Variants in SDK1 observed in about 807,000 individuals in gnomAD.
The protein encoded by SDK1 is protein sidekick-1.
SDK1 carries 157 observed loss-of-function variants against 245.5 expected under a neutral mutation model. That is an observed-to-expected ratio of 0.64 (90% CI 0.56 to 0.73). The LOEUF is 0.73. Ranked by LOEUF, SDK1 falls within the 30% of genes least tolerant of loss-of-function variation. The pLI is 0.00. For missense variants in SDK1, 3,583 were observed against 3,002.3 expected (o/e 1.19, Z -4.52); for synonymous variants, 1,647 against 1,278.5 (o/e 1.29, Z -6.15).
rs568812960 is a variant in SDK1 at position 3,908,924 on chromosome 7, C to T, written c.848-41999C>T. Among the ~76,000 whole-genome samples the T allele has an allele frequency of 3.3e-5, 5 of 151,290 alleles. No homozygotes were observed. The South Asian group carries it at 1.0e-3, about 32-fold the overall frequency. ...CTCCTACTTCCCTAGGATGTTTCTT[C>T]TACCAGTGTGGGTGACACTGGAGTT... On this transcript the variant is annotated intron_variant, in intron 5 of 44. Transcript: ENST00000404826.
chr7:3,598,100 G>A (rs1034420338), intron 1 of SDK1, among the ~76,000 whole-genome samples: 12 of 152,118 alleles, frequency 7.9e-5, no homozygotes, highest in African/African-American at 2.9e-4. Flanking sequence ...TACATTTAGT[G>A]TTGTTTGTAT....
chr7:4,045,700 T>C (rs1163938105), intron 17 of SDK1, among the ~76,000 whole-genome samples: 1 of 152,154 alleles, frequency 6.6e-6, no homozygotes, highest in Non-Finnish European at 1.5e-5. Flanking sequence ...CATCTCAAAC[T>C]GCGAGGGCCT....
intron 4 of SDK1, chr7:3,643,698 G>A (rs1158961271): frequency 7.7e-6 from 1 of 130,030 alleles, no homozygotes; most frequent in Non-Finnish European, 1.6e-5. Flanking sequence ...TAAACCTCAT[G>A]ATTCTCATCT....
intron 1 of SDK1, among the ~76,000 whole-genome samples, chr7:3,581,419 G>A (rs1780490301): frequency 6.6e-6 from 1 of 152,170 alleles, no homozygotes; most frequent in Admixed American, 6.5e-5. Flanking sequence ...CTGATCACTA[G>A]GGAAATGCAA....
Position 3,619,157 on chromosome 7 carries a change from T to A in SDK1, c.376T>A (p.Cys126Ser). 1 of 1,614,166 alleles carries A rather than the reference T, an allele frequency of 6.2e-7. No homozygotes were observed. Among genetic ancestry groups the A allele is most frequent in the Non-Finnish European group, 8.5e-7 (1 of 1,179,992 alleles). The stretch of plus-strand genomic sequence containing the variant: ...GGAAGGGAACCGCCTTGTTCTCACC[T>A]GCCTTGCCGAAGGGAGCTGGCCTTT... ...HLEGNRLVLT[C>S]LAEGSWPLEF... The change falls in exon 2 of 45, where the codon TGC becomes AGC. Residue 126 changes from cysteine to serine, a missense_variant. Transcript: ENST00000404826.
At chr7:3,388,031 A>G (rs1054883607) in intron 1 of SDK1, among the ~76,000 whole-genome samples, 2 of 152,188 alleles carry the variant, frequency 1.3e-5, no homozygotes, top group African/African-American at 2.4e-5. Flanking sequence ...ACAAATCTGC[A>G]TTGTCCTAAT....
At chr7:3,769,875 AATTG>A (rs1780357471) in intron 4 of SDK1, among the ~76,000 whole-genome samples, 1 of 151,612 alleles carries the variant, frequency 6.6e-6, no homozygotes, top group African/African-American at 2.4e-5. Flanking sequence ...AATAGGTACT[AATTG>A]ATGCTCAGCT....
Position 4,002,086 on chromosome 7 carries a change from C to T in SDK1, c.2132-8880C>T, listed in dbSNP as rs75177304. Among the ~76,000 whole-genome samples the T allele has an allele frequency of 8.4e-3, 1,276 of 152,370 alleles. 17 individuals carry two copies. Among genetic ancestry groups the T allele is most frequent in the South Asian group, 0.053 (254 of 4,828 alleles). On this transcript the variant is annotated intron_variant, in intron 14 of 44. Transcript: ENST00000404826. ...ACTAAAAATTATGTTCCTTTTGTCA[C>T]TGTCAGAGTTTTTAACTAGAATCCT...
chr7:4,021,037 G>C (rs544864370), intron 17 of SDK1, among the ~76,000 whole-genome samples: 7 of 152,158 alleles, frequency 4.6e-5, no homozygotes, highest in Non-Finnish European at 7.3e-5. Flanking sequence ...AGATCTGGGG[G>C]TCATCTCCCT....
chr7:4,059,350 AGG>A (rs1779392171), intron 19 of SDK1, among the ~76,000 whole-genome samples: 1 of 152,218 alleles, frequency 6.6e-6, no homozygotes, highest in Admixed American at 6.5e-5. Context: ...GAGACAAAGA[AGG>A]TTATTGTGTA....
chr7:3,975,897 AGC>A lies in SDK1; in HGVS notation c.1994+1353_1994+1354del, dbSNP rs1782896440. Among the ~76,000 whole-genome samples, 31 of 151,848 alleles carry A rather than the reference AGC, an allele frequency of 2.0e-4. 1 individual carries two copies. The highest frequency in any genetic ancestry group is 7.5e-4 in the African/African-American group (31 of 41,350). ...GGGGGTCCTGGTGCTGCAGCTGCAAAGCTGCCACGTAGAGGGTCCTCCAGAGA... is the reference window on the plus strand; with the variant it reads ...GGGGGTCCTGGTGCTGCAGCTGCAAATGCCACGTAGAGGGTCCTCCAGAGA... On this transcript the variant is annotated intron_variant, in intron 13 of 44. Coordinates refer to ENST00000404826, the MANE Select transcript of SDK1 (RefSeq NM_152744.4).
chr7:3,406,622 A>G (rs902637493), intron 1 of SDK1, among the ~76,000 whole-genome samples: 8 of 152,140 alleles, frequency 5.3e-5, no homozygotes, highest in African/African-American at 1.9e-4. Context: ...TAGTTTTATC[A>G]TCCAGACCAG....
At chr7:3,901,813 T>C (rs1781800295) in intron 5 of SDK1, among the ~76,000 whole-genome samples, 2 of 152,264 alleles carry the variant, frequency 1.3e-5, no homozygotes, top group Admixed American at 1.3e-4. Flanking sequence ...GAACTCCTTT[T>C]CCTTCTTCAC....
intron 1 of SDK1, among the ~76,000 whole-genome samples, chr7:3,502,624 A>G (rs1191462111): frequency 1.3e-5 from 2 of 152,196 alleles, no homozygotes; most frequent in Non-Finnish European, 2.9e-5. Flanking sequence ...ATTTACATAC[A>G]TTTTCAGAAC....
chr7:3,529,305 T>C (rs1482495534), intron 1 of SDK1, among the ~76,000 whole-genome samples: 1 of 152,158 alleles, frequency 6.6e-6, no homozygotes, highest in African/African-American at 2.4e-5. Context: ...GTAAATTCCA[T>C]CCTCTACTAA....
intron 1 of SDK1, among the ~76,000 whole-genome samples, chr7:3,320,840 G>A (rs139808998): frequency 5.9e-5 from 9 of 152,160 alleles, no homozygotes; most frequent in Admixed American, 5.2e-4. Flanking sequence ...AACAATTTTG[G>A]TATGTTTCAG....
At chr7:3,572,051 C>G (rs1014453354) in intron 1 of SDK1, among the ~76,000 whole-genome samples, 1 of 151,988 alleles carries the variant, frequency 6.6e-6, no homozygotes, top group Non-Finnish European at 1.5e-5. Flanking sequence ...CAATGCCAAA[C>G]AGTCAGTGAA....
At chr7:3,856,435 A>T (rs1780546937) in intron 5 of SDK1, among the ~76,000 whole-genome samples, 1 of 151,226 alleles carries the variant, frequency 6.6e-6, no homozygotes, top group Non-Finnish European at 1.5e-5. Context: ...GACTAACAAG[A>T]CTAACTTCAA....
chr7:3,579,137 A>G (rs989788205), intron 1 of SDK1, among the ~76,000 whole-genome samples: 1 of 152,006 alleles, frequency 6.6e-6, no homozygotes, highest in Non-Finnish European at 1.5e-5. Flanking sequence ...TTCTACTGAA[A>G]CTATTCCAAT....
Sources: gnomAD v4.1 joint callset for allele counts (sites outside exome capture counted in the v4.1 genomes callset) on GRCh38, gnomAD v4.1.1 for gene constraint, MANE v1.5 for transcripts, NCBI Gene and HGNC (gene_info 2026-07-23, HGNC 2026-07-21) for gene names.